The following CCDC6 variants were observed in gnomAD, a reference collection of about 807,000 sequenced individuals.
The protein encoded by CCDC6 is coiled-coil domain-containing protein 6.
Under a neutral mutation model 56.6 loss-of-function variants are expected in CCDC6, and 20 were observed. The observed-to-expected ratio is 0.35, with a 90% CI of 0.25 to 0.51. The LOEUF is 0.51. CCDC6 is among the 20% of genes least tolerant of loss of function. The pLI is 0.95. For missense variants in CCDC6, 367 were observed against 601.1 expected (o/e 0.61, Z 4.07); for synonymous variants, 241 against 234.4 (o/e 1.03, Z -0.26).
chr10:59,835,364 G>A (rs1412136135), intron 2 of CCDC6, among the ~76,000 whole-genome samples: 3 of 152,190 alleles, frequency 2.0e-5, no homozygotes, highest in African/African-American at 7.2e-5. Context: ...TAGACAGATG[G>A]TCTAACACTG....
At chr10:59,901,589 C>T (rs1169324343) in intron 1 of CCDC6, among the ~76,000 whole-genome samples, 1 of 152,176 alleles carries the variant, frequency 6.6e-6, no homozygotes, top group Non-Finnish European at 1.5e-5. Flanking sequence ...ATTAATTTTA[C>T]AGTCAGAGAG....
chr10:59,818,511 A>C (rs1348788571), intron 3 of CCDC6, among the ~76,000 whole-genome samples: 5 of 140,484 alleles, frequency 3.6e-5, no homozygotes, highest in Non-Finnish European at 6.1e-5. Context: ...GGGGGGAAGC[A>C]GATTCTCAGT....
chr10:59,903,197 A>G (rs2071517378), intron 1 of CCDC6, among the ~76,000 whole-genome samples: 1 of 152,246 alleles, frequency 6.6e-6, no homozygotes, highest in Non-Finnish European at 1.5e-5. Flanking sequence ...TCCAGGGCAG[A>G]AAAACTCTGC....
At position 59,793,058 on chromosome 10, in the gene CCDC6, C is replaced by A. The variant is rs763064854; in HGVS notation, c.1284G>T (p.Pro428=). ...GGGTCTGTGTGTTGGGAGATGGAGG[C>A]GGCGTGGGCCGTTTGAATTTGTCAG... ...NSPDKFKRPT[P]PPSPNTQTPV... Residue 428 remains proline, a synonymous_variant, in exon 9 of 9, where the codon CCG becomes CCT. Coordinates refer to ENST00000263102, the MANE Select transcript of CCDC6 (RefSeq NM_005436.5). 6.2e-7 allele frequency: 1 copy of A among 1,614,020 alleles called. No homozygotes were observed. Among genetic ancestry groups the A allele is most frequent in the Non-Finnish European group, 8.5e-7 (1 of 1,179,992 alleles).
At chr10:59,807,640 C>G (rs998348111) in intron 5 of CCDC6, among the ~76,000 whole-genome samples, 1 of 152,208 alleles carries the variant, frequency 6.6e-6, no homozygotes, top group African/African-American at 2.4e-5. Flanking sequence ...GGCATCGTCA[C>G]TCCCACTCAT....
At chr10:59,800,615 T>TTC (rs944857779) in intron 7 of CCDC6, among the ~76,000 whole-genome samples, 1 of 151,722 alleles carries the variant, frequency 6.6e-6, no homozygotes, top group Middle Eastern at 3.2e-3. Context: ...TATTAAAGTT[T>TTC]TTTTTTTTTT....
rs10561094 is a variant in CCDC6 at position 59,797,588 on chromosome 10, C to CAAAAAAAAAAA, written c.1106-3002_1106-2992dup. Among the ~76,000 whole-genome samples the CAAAAAAAAAAA allele has an allele frequency of 7.0e-4, 22 of 31,608 alleles. 1 individual carries two copies. The highest frequency in any genetic ancestry group is 1.4e-3 in the African/African-American group (9 of 6,464). The allele number at this position is 31,608 out of a possible 152,430, so 20.7% of individuals were successfully genotyped here. On this transcript the variant is annotated intron_variant, in intron 7 of 8. Transcript: ENST00000263102. ...GTAGCCAATGAACTGAACCTCCTAG[C>CAAAAAAAAAAA]AAAAAAAAAAAAAAAAAAAAAAAAA...
chr10:59,826,307 T>G (rs1046477706), intron 3 of CCDC6, among the ~76,000 whole-genome samples: 2 of 152,240 alleles, frequency 1.3e-5, no homozygotes, highest in Admixed American at 1.3e-4. Context: ...ATATAGTACC[T>G]GCAAATACTT....
rs1309449037 is a variant in CCDC6, at chr10:59,791,536, C to A, written c.*1381G>T. On this transcript the variant is annotated 3_prime_UTR_variant, in exon 9 of 9. Coordinates refer to ENST00000263102, the MANE Select transcript of CCDC6 (RefSeq NM_005436.5). Reference sequence around the variant, plus strand: ...ACAAAACATGGACTCTTAAAAATTACTGATAAATTACTTTTCAGTTCTCTG... The same window carrying A: ...ACAAAACATGGACTCTTAAAAATTAATGATAAATTACTTTTCAGTTCTCTG... 2 of 195,142 alleles carry A rather than the reference C, an allele frequency of 1.0e-5. No individual in the cohort carries two copies. Among genetic ancestry groups the A allele is most frequent in the Non-Finnish European group, 2.1e-5 (2 of 93,608 alleles). 12.1% of individuals were successfully genotyped at this position (195,142 alleles called of 1,614,324 possible).
chr10:59,801,023 A>G (rs905686905), intron 7 of CCDC6, among the ~76,000 whole-genome samples: 2 of 152,208 alleles, frequency 1.3e-5, no homozygotes, highest in African/African-American at 4.8e-5. Context: ...GCATTTCATA[A>G]TATGTATGAA....
chr10:59,858,235 A>G (rs1475104932), intron 1 of CCDC6, among the ~76,000 whole-genome samples: 1 of 152,156 alleles, frequency 6.6e-6, no homozygotes, highest in Non-Finnish European at 1.5e-5. Context: ...TGAGAATTAC[A>G]ATTCTCCATT....
chr10:59,794,652 C>A lies in CCDC6; in HGVS notation c.1106-55G>T. On this transcript the variant is annotated intron_variant, in intron 7 of 8. Transcript: ENST00000263102. ...TTTAAGCTCAACTATCTGGTGTCTT[C>A]AACTATCTAGGAGGTTTTAAATCGC... 8.4e-6 allele frequency: 13 copies of A among 1,544,502 alleles called. 1 individual carries two copies. In the South Asian group the frequency reaches 1.5e-4, roughly 18 times the overall value.
intron 1 of CCDC6, among the ~76,000 whole-genome samples, chr10:59,862,548 CACACACACATATAT>C (rs2071141277): frequency 1.2e-5 from 1 of 84,544 alleles, no homozygotes; most frequent in African/African-American, 5.7e-5. Context: ...CACACACACA[CACACACACATATAT>C]ATACACATAC....
At chr10:59,824,546 G>A (rs78793167) in intron 3 of CCDC6, among the ~76,000 whole-genome samples, 4 of 152,114 alleles carry the variant, frequency 2.6e-5, no homozygotes, top group South Asian at 2.1e-4. Flanking sequence ...CCACCAAGCC[G>A]ACTTCAGGGT....
At chr10:59,868,235 C>T (rs2071194051) in intron 1 of CCDC6, among the ~76,000 whole-genome samples, 1 of 152,102 alleles carries the variant, frequency 6.6e-6, no homozygotes, top group African/African-American at 2.4e-5. Context: ...AGGATTAAGG[C>T]CCTGAGTTTT....
Position 59,905,805 on chromosome 10 carries a change from C to G in CCDC6, c.303+317G>C, listed in dbSNP as rs1413214937. On this transcript the variant is annotated intron_variant, in intron 1 of 8. Transcript: ENST00000263102. ...GCTGAAAAAAGTCCTACCCCGCCCCCCAGCCACGCCGCCAGCCTCCAGCCC... is the reference window on the plus strand; with the variant it reads ...GCTGAAAAAAGTCCTACCCCGCCCCGCAGCCACGCCGCCAGCCTCCAGCCC... Among the ~76,000 whole-genome samples, 6 of 152,316 alleles carry G rather than the reference C, an allele frequency of 3.9e-5. No homozygotes were observed. In the South Asian group the frequency reaches 8.3e-4, roughly 21 times the overall value.
intron 1 of CCDC6, among the ~76,000 whole-genome samples, chr10:59,873,260 T>C (rs1352944147): frequency 6.6e-6 from 1 of 152,136 alleles, no homozygotes; most frequent in Non-Finnish European, 1.5e-5. Context: ...TCTTTGCAGA[T>C]GTAATCAAGC....
chr10:59,829,373 A>G (rs551100895), intron 3 of CCDC6, among the ~76,000 whole-genome samples: 1 of 152,228 alleles, frequency 6.6e-6, no homozygotes, highest in Non-Finnish European at 1.5e-5. Flanking sequence ...TTGTTTCCAC[A>G]ATTTTAAGGA....
At chr10:59,836,700 C>T (rs1014331753) in intron 2 of CCDC6, among the ~76,000 whole-genome samples, 3 of 152,106 alleles carry the variant, frequency 2.0e-5, no homozygotes, top group African/African-American at 7.2e-5. Context: ...AAGTCAATCT[C>T]AAAGATTATG....
Sources: gnomAD v4.1 joint callset for allele counts (sites outside exome capture counted in the v4.1 genomes callset) on GRCh38, gnomAD v4.1.1 for gene constraint, MANE v1.5 for transcripts, NCBI Gene and HGNC (gene_info 2026-07-23, HGNC 2026-07-21) for gene names.